The following FNTB variants were observed in gnomAD, a reference collection of about 807,000 sequenced individuals.
The protein encoded by FNTB is protein farnesyltransferase subunit beta.
In FNTB, 27 loss-of-function variants were observed where a neutral mutation model predicts 59.4. That is an observed-to-expected ratio of 0.45 (90% CI 0.34 to 0.63). The LOEUF (loss-of-function observed/expected upper bound fraction) is 0.63. FNTB is among the 20% of genes least tolerant of loss of function. The pLI is 0.02. For synonymous variants in FNTB, 230 were observed against 220.7 expected, an observed-to-expected ratio of 1.04 and a Z score of -0.37; for missense variants, 449 against 559.6, an observed-to-expected ratio of 0.80 and a Z score of 1.99.
chr14:65,033,656 G>A (rs1417969557), intron 7 of FNTB, among the ~76,000 whole-genome samples: 1 of 152,180 alleles, frequency 6.6e-6, no homozygotes, highest in Non-Finnish European at 1.5e-5. Flanking sequence ...AGGAAATCGA[G>A]ACCATCCTGG....
chr14:65,036,233 T>A (rs551007336), intron 7 of FNTB, among the ~76,000 whole-genome samples: 8 of 152,208 alleles, frequency 5.3e-5, no homozygotes, highest in African/African-American at 1.7e-4. Flanking sequence ...TTAATTAATT[T>A]AATTTAATTT....
chr14:65,053,144 ACCTTGACTATT>A (rs2062650962), intron 9 of FNTB, 83 bp from the exon 10 acceptor site: 1 of 995,148 alleles, frequency 1.0e-6, no homozygotes, highest in Admixed American at 4.2e-5. Flanking sequence ...GGAGCAGGAA[ACCTTGACTATT>A]CCCCCAGGTG....
At chr14:65,033,358 G>A (rs60585100) in intron 7 of FNTB, among the ~76,000 whole-genome samples, 1,580 of 152,286 alleles carry the variant, frequency 0.01, 32 homozygotes, top group African/African-American at 0.036. Context: ...GTATACGAAA[G>A]ATAAACACCA....
In FNTB at chr14:65,044,283, A is replaced by G. The variant is rs201482556; in HGVS notation, c.823-28A>G. ...TGGATTTTGTCTCTTTTAGCCTACA[A>G]CTGCCTTTCCCATCTGTGTCTCCTC... On this transcript the variant is annotated intron_variant, in intron 8 of 11. Coordinates refer to ENST00000246166, the MANE Select transcript of FNTB (RefSeq NM_002028.4). This position sits in a 1 kb window ranked among gnomAD's most constrained non-coding sequence, Gnocchi z 5.5. 2.5e-5 allele frequency: 40 copies of G among 1,611,504 alleles called. No homozygotes were observed. The African/African-American group carries it at 3.7e-4, about 15-fold the overall frequency.
At chr14:65,042,635 C>T (rs995274260) in intron 8 of FNTB, among the ~76,000 whole-genome samples, 13 of 152,196 alleles carry the variant, frequency 8.5e-5, no homozygotes, top group Admixed American at 6.5e-5. Flanking sequence ...TGCTCTAATC[C>T]AGACTACTCC....
chr14:65,025,001 G>A (rs1004490630), intron 4 of FNTB, among the ~76,000 whole-genome samples: 3 of 152,324 alleles, frequency 2.0e-5, no homozygotes, highest in Admixed American at 2.0e-4. Flanking sequence ...AGAAGTCTGT[G>A]AATGACAGCT....
rs768055651 is a variant in FNTB at position 65,044,943 on chromosome 14, C to T, written c.955+500C>T. 5.3e-5 allele frequency among the ~76,000 whole-genome samples: 8 copies of T among 152,094 alleles called. No homozygotes were observed. Among genetic ancestry groups the T allele is most frequent in the Non-Finnish European group, 1.0e-4 (7 of 68,016 alleles). The stretch of plus-strand genomic sequence containing the variant: ...CCTACACCATGGAGAAGAGACTCGC[C>T]GTGTCTGACTGGCTGCAGAGTTGTC... On this transcript the variant is annotated intron_variant, in intron 9 of 11. Transcript: ENST00000246166. The surrounding 1 kb of genome is among the most constrained non-coding windows in gnomAD (Gnocchi z 5.5).
rs906824519 is a variant in FNTB at position 64,990,937 on chromosome 14, G to A, written c.144+3840G>A. 2.0e-5 allele frequency among the ~76,000 whole-genome samples: 3 copies of A among 152,158 alleles called. No individual in the cohort carries two copies. The highest frequency in any genetic ancestry group is 7.2e-5 in the African/African-American group (3 of 41,438). ...CTTGCTAAGCTGTTTTGTTAATGCA[G>A]ATGCAGGGAGGGCCTTTCATGACAC... On this transcript the variant is annotated intron_variant, in intron 1 of 11. Coordinates refer to ENST00000246166, the MANE Select transcript of FNTB (RefSeq NM_002028.4). The surrounding 1 kb of genome is among the most constrained non-coding windows in gnomAD (Gnocchi z 5.2).
In FNTB at chr14:65,017,680, T is replaced by C. The variant is rs150876284; in HGVS notation, c.374+1964T>C. Among the ~76,000 whole-genome samples, 988 of 152,112 alleles carry C rather than the reference T, an allele frequency of 6.5e-3. 17 individuals are homozygous for C. The highest frequency in any genetic ancestry group is 0.044 in the South Asian group (211 of 4,818). On this transcript the variant is annotated intron_variant, in intron 4 of 11. Transcript: ENST00000246166. ...AATTTTTTTTAAATGTAAAGCTGGG[T>C]GTGGTGGCTCACGCCTGTAATCCCA...
At chr14:65,021,372 T>C (rs1226024999) in intron 4 of FNTB, among the ~76,000 whole-genome samples, 1 of 152,250 alleles carries the variant, frequency 6.6e-6, no homozygotes, top group Non-Finnish European at 1.5e-5. Flanking sequence ...GTTTTATCCT[T>C]TCCCTTTCAA....
intron 7 of FNTB, among the ~76,000 whole-genome samples, chr14:65,037,726 CTTATTTATTTATTTATTATTTAT>C (rs1394564634): frequency 7.1e-4 from 83 of 117,542 alleles, no homozygotes; most frequent in Non-Finnish European, 1.1e-3. Context: ...TGCCCAGCCT[CTTATTTATTTATTTATTATTTAT>C]TTATTTATTT....
chr14:65,045,890 C>T (rs2062465845), intron 9 of FNTB, among the ~76,000 whole-genome samples: 1 of 152,238 alleles, frequency 6.6e-6, no homozygotes, highest in African/African-American at 2.4e-5. Flanking sequence ...ACAGCAAGTG[C>T]ACTGTCAGCA....
chr14:65,059,971 T>C (rs1409025663), intron 11 of FNTB, among the ~76,000 whole-genome samples: 2 of 151,554 alleles, frequency 1.3e-5, no homozygotes, highest in South Asian at 2.1e-4. Context: ...CTAGCTGGGA[T>C]TACAGACACT....
chr14:65,025,785 C>T (rs1463736914), intron 4 of FNTB, among the ~76,000 whole-genome samples: 1 of 152,200 alleles, frequency 6.6e-6, no homozygotes, highest in African/African-American at 2.4e-5. Context: ...CGCTGTCCTG[C>T]AGCCTGGCCG....
chr14:64,988,106 T>C (rs937043486), intron 1 of FNTB, among the ~76,000 whole-genome samples: 2 of 152,228 alleles, frequency 1.3e-5, no homozygotes, highest in African/African-American at 4.8e-5. Flanking sequence ...TGTTTTATTG[T>C]ACAGTTATGA....
At position 65,061,642 on chromosome 14, in the gene FNTB, T is replaced by TTATTTTTTAATGA; in HGVS notation, c.*332_*333insTTTTTTAATGATA. The TTATTTTTTAATGA allele has an allele frequency of 1.6e-4, 38 of 238,316 alleles. No individual in the cohort carries two copies. The highest frequency in any genetic ancestry group is 4.2e-4 in the East Asian group (5 of 11,852). The allele number at this position is 238,316 out of a possible 1,614,324, so 14.8% of individuals were successfully genotyped here. A position where few individuals can be genotyped will look rare whatever the true frequency, so the allele number is the denominator to read the frequency against. ...CACAGAGATGAATGGCATCTGAGTA[T>TTATTTTTTAATGA]TACGGCATCCAGAGCCACTGCTGAC... is the stretch of plus-strand genomic sequence containing the variant. On this transcript the variant is annotated 3_prime_UTR_variant, in exon 12 of 12. Transcript: ENST00000246166.
chr14:65,050,374 T>C (rs1327920608), intron 9 of FNTB, among the ~76,000 whole-genome samples: 1 of 152,176 alleles, frequency 6.6e-6, no homozygotes, highest in East Asian at 1.9e-4. Context: ...GTTGGGCAGA[T>C]CATTTTAGGA....
chr14:65,045,806 C>T (rs1166893819), intron 9 of FNTB, among the ~76,000 whole-genome samples: 1 of 152,136 alleles, frequency 6.6e-6, no homozygotes. Context: ...GAGCCTCTGT[C>T]CCATTTTCCC....
At position 65,040,880 on chromosome 14, in the gene FNTB, C is replaced by T; in HGVS notation, c.783C>T (p.Ile261=). The part of the protein sequence containing the change: ...YTFCGLAALV[I]LKRERSLNLK... Reference sequence around the variant, plus strand: ...TCTGTGGCCTGGCCGCGCTGGTAATCCTCAAGAGGGAACGTTCCTTGAACT... The same window carrying T: ...TCTGTGGCCTGGCCGCGCTGGTAATTCTCAAGAGGGAACGTTCCTTGAACT... Residue 261 remains isoleucine, a synonymous_variant, in exon 8 of 12, where the codon ATC becomes ATT. Transcript: ENST00000246166. 1.2e-6 allele frequency: 2 copies of T among 1,614,004 alleles called. No homozygotes were observed. The highest frequency in any genetic ancestry group is 1.7e-6 in the Non-Finnish European group (2 of 1,179,938).
Sources: allele counts gnomAD v4.1 joint callset (sites outside exome capture counted in the v4.1 genomes callset), GRCh38; gene constraint gnomAD v4.1.1; non-coding constraint Gnocchi (gnomAD v3.1); transcripts MANE v1.5; gene names NCBI Gene and HGNC (gene_info 2026-07-23, HGNC 2026-07-21).